The following SNTB1 variants were observed in gnomAD, a reference collection of about 807,000 sequenced individuals.
SNTB1 encodes beta-1-syntrophin.
In SNTB1, 36 loss-of-function variants were observed where a neutral mutation model predicts 48.9. The observed-to-expected ratio is 0.74, with a 90% CI of 0.56 to 0.97. The LOEUF (loss-of-function observed/expected upper bound fraction) is 0.97. Ranked by LOEUF, SNTB1 falls within the 50% of genes least tolerant of loss-of-function variation. The pLI is 0.00. For synonymous variants in SNTB1, 299 were observed against 294.6 expected (o/e 1.01, Z -0.15); for missense variants, 786 against 703.4 (o/e 1.12, Z -1.33).
chr8:120,775,257 C>T (rs1325564515), intron 1 of SNTB1: 2 of 151,912 alleles, frequency 1.3e-5, no homozygotes, highest in Non-Finnish European at 1.5e-5. Flanking sequence ...TGGGACTTAC[C>T]GAAAAAACTC....
Position 120,538,719 on chromosome 8 carries a change from G to T in SNTB1, c.*158C>A. The T allele has an allele frequency of 1.4e-6, 1 of 713,588 alleles. No individual in the cohort carries two copies. The allele number at this position is 713,588 out of a possible 1,614,324, so 44.2% of individuals were successfully genotyped here. The stretch of plus-strand genomic sequence containing the variant: ...GGTATCCCTTGTAGTTGCTGAAACT[G>T]ACAGAGGAGTCTGGGACAGTTACAT... On this transcript the variant is annotated 3_prime_UTR_variant, in exon 7 of 7. Transcript: ENST00000517992.
chr8:120,549,280 C>T (rs1203274335), intron 4 of SNTB1, among the ~76,000 whole-genome samples: 1 of 152,180 alleles, frequency 6.6e-6, no homozygotes, highest in Non-Finnish European at 1.5e-5. Flanking sequence ...ATATTCCTTT[C>T]CTGAGCATCT....
At chr8:120,592,979 C>CT (rs1217251441) in intron 3 of SNTB1, among the ~76,000 whole-genome samples, 4 of 152,166 alleles carry the variant, frequency 2.6e-5, no homozygotes, top group Admixed American at 6.5e-5. Context: ...GTTCCCATGG[C>CT]TTTTTTTGTT....
chr8:120,695,342 A>T (rs1818194459), intron 1 of SNTB1, among the ~76,000 whole-genome samples: 1 of 152,218 alleles, frequency 6.6e-6, no homozygotes, highest in Non-Finnish European at 1.5e-5. Flanking sequence ...TTACAAAATC[A>T]TGGGTGACTA....
chr8:120,560,446 G>T (rs1815633048), intron 4 of SNTB1, among the ~76,000 whole-genome samples: 2 of 152,148 alleles, frequency 1.3e-5, no homozygotes, highest in Non-Finnish European at 2.9e-5. Flanking sequence ...TTGCGCCATT[G>T]CACTCCAGCC....
At position 120,811,459 on chromosome 8, in the gene SNTB1, C is replaced by G. The variant is rs200773638; in HGVS notation, c.385G>C (p.Gly129Arg). The change falls in exon 1 of 7, where the codon GGG becomes CGG. Residue 129 changes from glycine (G) to arginine (R), a missense_variant. By Grantham distance (125) the Gly-to-Arg change is moderately radical. Transcript: ENST00000517992. ...ELGGLGISIKGGKENKMPILI... is the reference protein window; with the variant it reads ...ELGGLGISIKRGKENKMPILI... ...ATGGGCATCTTGTTCTCCTTGCCCC[C>G]CTTGATGCTGATCCCCAGCCCGCCC... is the stretch of plus-strand genomic sequence containing the variant. 6.2e-7 allele frequency: 1 copy of G among 1,613,914 alleles called. No individual in the cohort carries two copies.
chr8:120,632,870 A>T (rs2130754328), intron 2 of SNTB1, among the ~76,000 whole-genome samples: 1 of 152,350 alleles, frequency 6.6e-6, no homozygotes, highest in East Asian at 1.9e-4. Context: ...TTGGGAACAC[A>T]GCTGTGCAAC....
intron 2 of SNTB1, among the ~76,000 whole-genome samples, chr8:120,659,824 C>G (rs1312180565): frequency 6.6e-6 from 1 of 152,328 alleles, no homozygotes; most frequent in East Asian, 1.9e-4. Flanking sequence ...GTTAAAATTA[C>G]TCCTTGATCT....
chr8:120,683,421 G>A (rs1362178443), intron 2 of SNTB1, among the ~76,000 whole-genome samples: 1 of 151,646 alleles, frequency 6.6e-6, no homozygotes, highest in African/African-American at 2.4e-5. Flanking sequence ...GCTTGTTTGT[G>A]TAATGCTGAT....
intron 3 of SNTB1, among the ~76,000 whole-genome samples, chr8:120,581,629 G>C (rs1264701710): frequency 6.6e-6 from 1 of 152,032 alleles, no homozygotes; most frequent in East Asian, 1.9e-4. Context: ...AGCAGAATGA[G>C]TGATGTATCA....
At chr8:120,625,944 G>C (rs1265900602) in intron 3 of SNTB1, among the ~76,000 whole-genome samples, 1 of 152,068 alleles carries the variant, frequency 6.6e-6, no homozygotes, top group Non-Finnish European at 1.5e-5. Flanking sequence ...GCAGATGGTG[G>C]GGCTGATATA....
chr8:120,642,402 A>G (rs903117034), intron 2 of SNTB1, among the ~76,000 whole-genome samples: 1 of 152,232 alleles, frequency 6.6e-6, no homozygotes, highest in Non-Finnish European at 1.5e-5. Flanking sequence ...CCTACTGAGT[A>G]AAAATCTCCA....
At chr8:120,621,704 C>A (rs1816795807) in intron 3 of SNTB1, among the ~76,000 whole-genome samples, 1 of 152,138 alleles carries the variant, frequency 6.6e-6, no homozygotes, top group African/African-American at 2.4e-5. Context: ...CTACACAGGG[C>A]AAGAGAGAGC....
chr8:120,659,354 T>A (rs1817550215), intron 2 of SNTB1, among the ~76,000 whole-genome samples: 2 of 152,252 alleles, frequency 1.3e-5, no homozygotes, highest in Non-Finnish European at 2.9e-5. Context: ...GAAGCCACTT[T>A]TTTTTTGCTC....
chr8:120,700,153 T>TTGTGTG (rs201805927), intron 1 of SNTB1, among the ~76,000 whole-genome samples: 1 of 127,222 alleles, frequency 7.9e-6, no homozygotes, highest in Non-Finnish European at 1.6e-5. Context: ...TGAAAAAAAA[T>TTGTGTG]TGCGTGTGTG....
At chr8:120,746,132 C>T (rs1819122067) in intron 1 of SNTB1, among the ~76,000 whole-genome samples, 1 of 152,190 alleles carries the variant, frequency 6.6e-6, no homozygotes, top group Non-Finnish European at 1.5e-5. Context: ...TATACTTGGA[C>T]TTTCTTTCAT....
intron 4 of SNTB1, chr8:120,571,098 T>A (rs1815834892): frequency 1.5e-6 from 1 of 688,872 alleles, no homozygotes; most frequent in Non-Finnish European, 2.0e-6. Flanking sequence ...GATGAATGAA[T>A]GAATGAATGA....
rs146523771 is a variant in SNTB1, at chr8:120,676,721, A to C, written c.788+16971T>G. Among the ~76,000 whole-genome samples, 22 of 152,364 alleles carry C rather than the reference A, an allele frequency of 1.4e-4. No individual in the cohort carries two copies. The East Asian group carries it at 3.9e-3, about 27-fold the overall frequency. On this transcript the variant is annotated intron_variant, in intron 2 of 6. Transcript: ENST00000517992. ...CAGAAATAGCTGGATAACTAGGAAAAAAATGACCAAGGTACATGTTCTAAA... is the reference window on the plus strand; with the variant it reads ...CAGAAATAGCTGGATAACTAGGAAACAAATGACCAAGGTACATGTTCTAAA...
At chr8:120,581,503 C>T (rs1349477320) in intron 3 of SNTB1, among the ~76,000 whole-genome samples, 1 of 152,050 alleles carries the variant, frequency 6.6e-6, no homozygotes, top group Non-Finnish European at 1.5e-5. Flanking sequence ...ACTCGGGAGG[C>T]TGAGGCATGA....
Sources: allele counts gnomAD v4.1 joint callset (sites outside exome capture counted in the v4.1 genomes callset), GRCh38; gene constraint gnomAD v4.1.1; transcripts MANE v1.5; gene names NCBI Gene and HGNC (gene_info 2026-07-23, HGNC 2026-07-21).